DEK: variants seen among roughly 807,000 people sequenced by gnomAD.
DEK encodes protein DEK.
In DEK, 28 loss-of-function variants were observed where a neutral mutation model predicts 46.8. That is an observed-to-expected ratio of 0.60 (90% CI 0.44 to 0.82). The LOEUF (loss-of-function observed/expected upper bound fraction) is 0.82, where lower values mean the gene tolerates loss of function less well. Ranked by LOEUF, DEK falls within the 40% of genes least tolerant of loss-of-function variation. The probability of loss-of-function intolerance (pLI) is 0.00; values close to 1 mark genes in which losing one functional copy is unlikely to be tolerated. For missense variants in DEK, 416 were observed against 430.6 expected, an observed-to-expected ratio of 0.97 and a Z score of 0.30; for synonymous variants, 160 against 144.5, an observed-to-expected ratio of 1.11 and a Z score of -0.77.
chr6:18,256,930 T>C (rs1225456202), intron 4 of DEK, among the ~76,000 whole-genome samples: 1 of 152,198 alleles, frequency 6.6e-6, no homozygotes, highest in Admixed American at 6.5e-5. Flanking sequence ...TTGTGTAAAT[T>C]AAATTGGTTT....
At position 18,260,174 on chromosome 6, in the gene DEK, T is replaced by C. The variant is rs1051945736; in HGVS notation, c.146-1769A>G. On this transcript the variant is annotated intron_variant, in intron 2 of 10. Coordinates refer to ENST00000652689, the MANE Select transcript of DEK (RefSeq NM_003472.4). ...AGTAGTTACATGTAACCTATGACCA[T>C]CTTCCCATATACTTTATATCATCTG... Among the ~76,000 whole-genome samples the C allele has an allele frequency of 2.0e-5, 3 of 152,350 alleles. No individual in the cohort carries two copies. In the East Asian group the frequency reaches 5.8e-4, roughly 29 times the overall value.
At chr6:18,228,880 C>T (rs998435615) in intron 9 of DEK, among the ~76,000 whole-genome samples, 18 of 152,222 alleles carry the variant, frequency 1.2e-4, no homozygotes, top group Non-Finnish European at 2.2e-4. Context: ...CGAGGAAGCT[C>T]GAACTGGGTG....
rs199866676 is a variant in DEK, at chr6:18,237,481, T to C, written c.798A>G (p.Lys266=). 6 of 1,608,174 alleles carry C rather than the reference T, an allele frequency of 3.7e-6. No homozygotes were observed. Among genetic ancestry groups the C allele is most frequent in the Non-Finnish European group, 4.2e-6 (5 of 1,178,724 alleles). The change falls in exon 8 of 11, where the codon AAA becomes AAG. Residue 266 remains lysine (K), a synonymous_variant. Coordinates refer to ENST00000652689, the MANE Select transcript of DEK (RefSeq NM_003472.4). The stretch of plus-strand genomic sequence containing the variant: ...TTTTACTTTTAGAAGTAGCTTTCTG[T>C]TTAGGTTTTTCTCTTTTGGCTGTCT... The part of the protein sequence containing the change: ...PKKTAKREKP[K]QKATSKSKKS...
rs779526332 is a variant in DEK at position 18,225,712 on chromosome 6, C to CTCTA, written c.*3_*6dup. ...ATGGGAACGAGTCATCTTCTCTGTC[C>CTCTA]TCTATCTCAAGAAATTAGCTGTAAT... On this transcript the variant is annotated 3_prime_UTR_variant, in exon 11 of 11. Transcript: ENST00000652689. 7.2e-5 allele frequency: 116 copies of CTCTA among 1,612,772 alleles called. No homozygotes were observed. Among genetic ancestry groups the CTCTA allele is most frequent in the Non-Finnish European group, 1.4e-5 (16 of 1,179,298 alleles).
intron 7 of DEK, among the ~76,000 whole-genome samples, chr6:18,239,174 T>C (rs554276839): frequency 6.6e-6 from 1 of 152,030 alleles, no homozygotes; most frequent in Non-Finnish European, 1.5e-5. Context: ...TCCACTCACT[T>C]TGGTCTCTCA....
intron 2 of DEK, among the ~76,000 whole-genome samples, chr6:18,259,159 G>A (rs544109115): frequency 1.3e-5 from 2 of 151,472 alleles, no homozygotes; most frequent in Admixed American, 6.6e-5. Flanking sequence ...TCAGGAGATC[G>A]AGACCATCCT....
chr6:18,264,215 C>G, intron 1 of DEK, 170 bp downstream of exon 1: 1 of 353,686 alleles, frequency 2.8e-6, no homozygotes, highest in Admixed American at 5.0e-5. Context: ...GCGCCCGCTG[C>G]CCCGCGTGCG....
intron 7 of DEK, among the ~76,000 whole-genome samples, chr6:18,245,873 G>C (rs1791091369): frequency 6.6e-6 from 1 of 152,248 alleles, no homozygotes; most frequent in Non-Finnish European, 1.5e-5. Context: ...AATCACGAGG[G>C]TGGGTTTTTC....
chr6:18,237,924 T>C (rs1276123431), intron 7 of DEK, among the ~76,000 whole-genome samples: 1 of 145,242 alleles, frequency 6.9e-6, no homozygotes, highest in African/African-American at 2.6e-5. Context: ...TGGAGTGCAG[T>C]GGCCCGATCT....
chr6:18,259,755 T>C (rs1227540468), intron 2 of DEK, among the ~76,000 whole-genome samples: 1 of 152,216 alleles, frequency 6.6e-6, no homozygotes, highest in Non-Finnish European at 1.5e-5. Context: ...ATTGATTATT[T>C]TGGGACTAGA....
intron 9 of DEK, among the ~76,000 whole-genome samples, chr6:18,233,544 AACAG>A (rs1269477518): frequency 6.6e-6 from 1 of 152,240 alleles, no homozygotes; most frequent in African/African-American, 2.4e-5. Context: ...AAAGGATATG[AACAG>A]ACACTTCTCA....
chr6:18,262,876 C>T (rs1162802791), intron 2 of DEK, among the ~76,000 whole-genome samples: 1 of 152,088 alleles, frequency 6.6e-6, no homozygotes, highest in Non-Finnish European at 1.5e-5. Context: ...TTTAAACAAA[C>T]AAAAGGCACA....
At chr6:18,258,542 G>T in intron 2 of DEK, 137 bp from the exon 3 acceptor site, 1 of 578,706 alleles carries the variant, frequency 1.7e-6, no homozygotes. Context: ...GAAAGCAAAT[G>T]ACATAAAAGA....
At chr6:18,242,155 G>C (rs1407512623) in intron 7 of DEK, among the ~76,000 whole-genome samples, 1 of 152,146 alleles carries the variant, frequency 6.6e-6, no homozygotes, top group Non-Finnish European at 1.5e-5. Flanking sequence ...CAGCACTTTG[G>C]GAGGCCAGGA....
At chr6:18,264,038 C>G (rs750543871) in intron 1 of DEK, 42 bp from the exon 2 acceptor site, 5 of 1,545,268 alleles carry the variant, frequency 3.2e-6, no homozygotes, top group East Asian at 2.3e-5. Context: ...TCCTCCTACT[C>G]CCGCAGGCAG....
At chr6:18,232,412 G>A (rs1790450567) in intron 9 of DEK, among the ~76,000 whole-genome samples, 1 of 152,134 alleles carries the variant, frequency 6.6e-6, no homozygotes, top group Admixed American at 6.5e-5. Flanking sequence ...TAGGAAAAGA[G>A]GAACTCAAAT....
intron 6 of DEK, among the ~76,000 whole-genome samples, chr6:18,252,844 A>G (rs1346387731): frequency 2.0e-5 from 3 of 152,248 alleles, no homozygotes; most frequent in Non-Finnish European, 4.4e-5. Flanking sequence ...GAAGCAACAT[A>G]TATTAGTCAC....
chr6:18,227,344 G>A (rs916974161), intron 9 of DEK, among the ~76,000 whole-genome samples: 7 of 152,150 alleles, frequency 4.6e-5, no homozygotes, highest in African/African-American at 9.7e-5. Context: ...GGGACATGCG[G>A]GCAGTAATAC....
At chr6:18,257,559 C>G (rs1791653082) in intron 4 of DEK, among the ~76,000 whole-genome samples, 1 of 151,846 alleles carries the variant, frequency 6.6e-6, no homozygotes, top group African/African-American at 2.4e-5. Context: ...AAAAGTAAAA[C>G]AATTAGCCAG....
Sources: gnomAD v4.1 joint callset for allele counts (sites outside exome capture counted in the v4.1 genomes callset) on GRCh38, gnomAD v4.1.1 for gene constraint, MANE v1.5 for transcripts, NCBI Gene and HGNC (gene_info 2026-07-23, HGNC 2026-07-21) for gene names.